Variants in NKAIN2 observed in about 807,000 individuals in gnomAD.
NKAIN2 encodes sodium/potassium-transporting ATPase subunit beta-1-interacting protein 2.
NKAIN2 carries 14 observed loss-of-function variants against 32.6 expected under a neutral mutation model. The observed-to-expected ratio is 0.43, with a 90% CI of 0.28 to 0.67. The LOEUF (loss-of-function observed/expected upper bound fraction) is 0.67. NKAIN2 is among the 30% of genes least tolerant of loss of function. NKAIN2 has a pLI of 0.17. For synonymous variants in NKAIN2, 80 were observed against 87.2 expected, an observed-to-expected ratio of 0.92 and a Z score of 0.46; for missense variants, 198 against 258.3, an observed-to-expected ratio of 0.77 and a Z score of 1.60.
At chr6:123,960,179 G>A (rs146160572) in intron 1 of NKAIN2, among the ~76,000 whole-genome samples, 17 of 152,178 alleles carry the variant, frequency 1.1e-4, no homozygotes, top group African/African-American at 3.9e-4. Context: ...AAAAAAAATT[G>A]CCAGCCAACA....
chr6:124,501,853 A>C (rs756919978), intron 3 of NKAIN2, among the ~76,000 whole-genome samples: 1 of 152,088 alleles, frequency 6.6e-6, no homozygotes, highest in African/African-American at 2.4e-5. Context: ...TCTAGTGTGC[A>C]TATTAACATA....
rs983165028 is a variant in NKAIN2, at chr6:123,895,297, G to A, written c.54+91043G>A. Among the ~76,000 whole-genome samples the A allele has an allele frequency of 7.2e-5, 11 of 152,096 alleles. No individual in the cohort carries two copies. The South Asian group carries it at 1.5e-3, about 20-fold the overall frequency. On this transcript the variant is annotated intron_variant, in intron 1 of 6. Transcript: ENST00000368417. ...CTGCTTGTGGTTCTCTTTGCCCATAGATTTCATTGTTTTTTTACTGCCAGC... is the reference window on the plus strand; with the variant it reads ...CTGCTTGTGGTTCTCTTTGCCCATAAATTTCATTGTTTTTTTACTGCCAGC...
chr6:123,846,941 C>T (rs147061131), intron 1 of NKAIN2, among the ~76,000 whole-genome samples: 10 of 152,242 alleles, frequency 6.6e-5, no homozygotes, highest in Admixed American at 5.2e-4. Context: ...TGGAGATAAA[C>T]GGATGAACAT....
chr6:124,667,284 A>T (rs1177648126), intron 4 of NKAIN2, among the ~76,000 whole-genome samples: 1 of 152,118 alleles, frequency 6.6e-6, no homozygotes, highest in Admixed American at 6.5e-5. Context: ...TTGCAAAAAA[A>T]ATCACCAATA....
intron 1 of NKAIN2, among the ~76,000 whole-genome samples, chr6:124,269,243 T>C (rs1052639898): frequency 1.3e-5 from 2 of 152,092 alleles, no homozygotes; most frequent in African/African-American, 4.8e-5. Flanking sequence ...AAAACAAATA[T>C]TATGACTACT....
At chr6:124,565,454 TTGTAA>T (rs1394548388) in intron 3 of NKAIN2, among the ~76,000 whole-genome samples, 1 of 152,224 alleles carries the variant, frequency 6.6e-6, no homozygotes, top group African/African-American at 2.4e-5. Context: ...TATCAGACTA[TTGTAA>T]TGTGATATGT....
intron 1 of NKAIN2, among the ~76,000 whole-genome samples, chr6:123,806,991 GTTA>G (rs1344177377): frequency 5.9e-5 from 9 of 152,016 alleles, no homozygotes; most frequent in Admixed American, 5.9e-4. Context: ...CATTTATTAA[GTTA>G]TTATCAGACC....
chr6:124,251,646 A>G (rs933172760), intron 1 of NKAIN2, among the ~76,000 whole-genome samples: 1 of 152,056 alleles, frequency 6.6e-6, no homozygotes, highest in Non-Finnish European at 1.5e-5. Flanking sequence ...CCACATTGAG[A>G]ACCTATTATA....
At position 124,566,138 on chromosome 6, in the gene NKAIN2, C is replaced by T. The variant is rs113893595; in HGVS notation, c.274-92048C>T. On this transcript the variant is annotated intron_variant, in intron 3 of 6. Transcript: ENST00000368417. The stretch of plus-strand genomic sequence containing the variant: ...AAGCCAACTGGCAATTACTATTACT[C>T]TGTCTGTGTTCAATTATTTTAAAGT... Among the ~76,000 whole-genome samples, 1,366 of 152,322 alleles carry T rather than the reference C, an allele frequency of 9.0e-3. 21 individuals carry two copies. Among genetic ancestry groups the T allele is most frequent in the African/African-American group, 0.032 (1,316 of 41,572 alleles).
At chr6:124,757,663 G>C (rs1210644950) in intron 4 of NKAIN2, among the ~76,000 whole-genome samples, 2 of 152,132 alleles carry the variant, frequency 1.3e-5, no homozygotes, top group African/African-American at 4.8e-5. Context: ...AACAGAACAG[G>C]CTGTAGTCAT....
chr6:123,988,090 AT>A (rs1180830353), intron 1 of NKAIN2, among the ~76,000 whole-genome samples: 3 of 152,166 alleles, frequency 2.0e-5, no homozygotes, highest in African/African-American at 7.2e-5. Flanking sequence ...ATTTGATATG[AT>A]GTTTAAAATT....
At chr6:123,946,745 T>G (rs1777081009) in intron 1 of NKAIN2, among the ~76,000 whole-genome samples, 1 of 152,126 alleles carries the variant, frequency 6.6e-6, no homozygotes, top group African/African-American at 2.4e-5. Context: ...TTTTCCTTCT[T>G]TCCCCCTGCC....
intron 1 of NKAIN2, among the ~76,000 whole-genome samples, chr6:123,971,871 A>C (rs1778360089): frequency 6.6e-6 from 1 of 152,210 alleles, no homozygotes; most frequent in South Asian, 2.1e-4. Context: ...AAAGGCTTTT[A>C]AAGTTTCATA....
At chr6:124,285,872 TAAAGA>T (rs974296350) in intron 2 of NKAIN2, among the ~76,000 whole-genome samples, 11 of 152,176 alleles carry the variant, frequency 7.2e-5, no homozygotes, top group African/African-American at 2.7e-4. Flanking sequence ...TAGTGCAAGC[TAAAGA>T]AAAGAAAATG....
At chr6:124,075,336 A>T (rs998902442) in intron 1 of NKAIN2, among the ~76,000 whole-genome samples, 16 of 152,176 alleles carry the variant, frequency 1.1e-4, no homozygotes, top group Non-Finnish European at 5.9e-5. Flanking sequence ...TTATTTGGTA[A>T]CATTGATTAA....
chr6:124,277,491 A>G (rs558410292), intron 1 of NKAIN2, among the ~76,000 whole-genome samples: 3 of 151,904 alleles, frequency 2.0e-5, no homozygotes, highest in African/African-American at 7.2e-5. Flanking sequence ...GTAAGATGCT[A>G]TAACAGGCTA....
intron 3 of NKAIN2, among the ~76,000 whole-genome samples, chr6:124,408,689 T>A (rs1359906449): frequency 1.3e-5 from 2 of 151,230 alleles, no homozygotes; most frequent in African/African-American, 2.4e-5. Context: ...GGCTCTTTTT[T>A]GGTTCCATAT....
intron 1 of NKAIN2, among the ~76,000 whole-genome samples, chr6:123,916,819 A>G (rs375248322): frequency 8.8e-5 from 11 of 124,646 alleles, no homozygotes; most frequent in African/African-American, 1.6e-4. Context: ...CTATGTATCT[A>G]TCTATCTATT....
intron 2 of NKAIN2, among the ~76,000 whole-genome samples, chr6:124,305,353 A>C (rs1796466130): frequency 6.6e-6 from 1 of 152,140 alleles, no homozygotes; most frequent in African/African-American, 2.4e-5. Flanking sequence ...TGTGGTCTTG[A>C]GAATGTAAAG....
Sources: gnomAD v4.1 joint callset for allele counts (sites outside exome capture counted in the v4.1 genomes callset) on GRCh38, gnomAD v4.1.1 for gene constraint, MANE v1.5 for transcripts, NCBI Gene and HGNC (gene_info 2026-07-23, HGNC 2026-07-21) for gene names.